The following CTNNA2 variants were observed in gnomAD, a reference collection of about 807,000 sequenced individuals.
CTNNA2 encodes the protein catenin alpha-2.
A neutral mutation model predicts 101.0 loss-of-function variants in CTNNA2; 42 were observed. The ratio of observed to expected loss-of-function variants is 0.42; its 90% CI spans 0.32 to 0.54. CTNNA2 has a LOEUF of 0.54. Among genes scored for constraint, CTNNA2 ranks in the 20% least tolerant of loss-of-function variants. The probability of loss-of-function intolerance (pLI) is 0.14; values close to 1 mark genes in which losing one functional copy is unlikely to be tolerated. For synonymous variants in CTNNA2, 450 were observed against 456.4 expected, an observed-to-expected ratio of 0.99 and a Z score of 0.18; for missense variants, 871 against 1,223.1, an observed-to-expected ratio of 0.71 and a Z score of 4.29.
intron 9 of CTNNA2, among the ~76,000 whole-genome samples, chr2:80,517,941 G>A (rs1244102417): frequency 6.6e-6 from 1 of 152,148 alleles, no homozygotes; most frequent in East Asian, 1.9e-4. Flanking sequence ...ATATTTGCCA[G>A]AATTCACATC....
intron 7 of CTNNA2, among the ~76,000 whole-genome samples, chr2:80,317,368 AGATCCTTCCACTTTCAGAATATACAAAG>A (rs1678230843): frequency 6.6e-6 from 1 of 152,204 alleles, no homozygotes; most frequent in Non-Finnish European, 1.5e-5. Context: ...AAATTCTGTG[AGATCCTTCCACTTTCAGAATATACAAAG>A]GAAATCAAGG....
At chr2:79,610,234 CAATTAA>C (rs1400225844) in intron 1 of CTNNA2, among the ~76,000 whole-genome samples, 1 of 152,210 alleles carries the variant, frequency 6.6e-6, no homozygotes, top group South Asian at 2.1e-4. Flanking sequence ...ACTATTCACA[CAATTAA>C]AATTAAACCG....
At position 80,475,959 on chromosome 2, in the gene CTNNA2, A is replaced by G. The variant is rs1046291615; in HGVS notation, c.1290+56358A>G. ...ATCTGGGGTCATGTTCCTATCGACTAGAGCAATAATGTTAGGGCACAGATG... is the reference window on the plus strand; with the variant it reads ...ATCTGGGGTCATGTTCCTATCGACTGGAGCAATAATGTTAGGGCACAGATG... On this transcript the variant is annotated intron_variant, in intron 9 of 18. Transcript: ENST00000402739. 1.7e-4 allele frequency among the ~76,000 whole-genome samples: 26 copies of G among 152,176 alleles called. 1 individual carries two copies. Among genetic ancestry groups the G allele is most frequent in the Admixed American group, 1.7e-3 (26 of 15,278 alleles).
chr2:79,274,575 A>G (rs1675165616), intron 2 of CTNNA2, among the ~76,000 whole-genome samples: 1 of 152,214 alleles, frequency 6.6e-6, no homozygotes, highest in Middle Eastern at 3.4e-3. Context: ...ATATCATTCA[A>G]GTATTTTTTG....
At chr2:80,549,567 C>T (rs1332368460) in intron 11 of CTNNA2, among the ~76,000 whole-genome samples, 1 of 152,006 alleles carries the variant, frequency 6.6e-6, no homozygotes, top group Non-Finnish European at 1.5e-5. Flanking sequence ...GTTTAAATAC[C>T]ACACTTGATA....
intron 8 of CTNNA2, among the ~76,000 whole-genome samples, chr2:80,416,061 T>G (rs964660882): frequency 4.7e-4 from 71 of 151,610 alleles, no homozygotes; most frequent in African/African-American, 1.7e-3. Context: ...GAGGTGGGGG[T>G]GGTGAAACGG....
At position 79,652,263 on chromosome 2, in the gene CTNNA2, A is replaced by G. The variant is rs1257764992; in HGVS notation, c.102+605A>G. 2.7e-5 allele frequency among the ~76,000 whole-genome samples: 4 copies of G among 149,498 alleles called. No homozygotes were observed. In the South Asian group the frequency reaches 8.4e-4, roughly 31 times the overall value. Reference sequence around the variant, plus strand: ...ATTTTTTTTTTTTTTTTACCAAATTATAATAGAGGCATTTGTATTGTCCTG... The same window carrying G: ...ATTTTTTTTTTTTTTTTACCAAATTGTAATAGAGGCATTTGTATTGTCCTG... On this transcript the variant is annotated intron_variant, in intron 2 of 18. Coordinates refer to ENST00000402739, the MANE Select transcript of CTNNA2 (RefSeq NM_001282597.3).
At chr2:79,767,450 T>A (rs1196618246) in intron 3 of CTNNA2, among the ~76,000 whole-genome samples, 1 of 152,072 alleles carries the variant, frequency 6.6e-6, no homozygotes, top group Non-Finnish European at 1.5e-5. Context: ...AGTTATTTAT[T>A]TTAATGATCA....
chr2:79,893,549 A>G (rs954618525), intron 6 of CTNNA2, among the ~76,000 whole-genome samples: 2 of 152,200 alleles, frequency 1.3e-5, no homozygotes, highest in Non-Finnish European at 1.5e-5. Context: ...GACATTTACA[A>G]TCCAACCTAA....
At chr2:79,243,043 A>T (rs991496506) in intron 2 of CTNNA2, among the ~76,000 whole-genome samples, 1 of 141,730 alleles carries the variant, frequency 7.1e-6, no homozygotes, top group East Asian at 2.1e-4. Flanking sequence ...AATATTCATG[A>T]TAAAACAGAC....
At chr2:80,477,863 G>A (rs1264803334) in intron 9 of CTNNA2, among the ~76,000 whole-genome samples, 1 of 151,870 alleles carries the variant, frequency 6.6e-6, no homozygotes, top group Non-Finnish European at 1.5e-5. Flanking sequence ...ACACATGCAG[G>A]TATTTTTTGA....
chr2:79,699,642 C>T (rs1012612508), intron 2 of CTNNA2, among the ~76,000 whole-genome samples: 2 of 151,342 alleles, frequency 1.3e-5, no homozygotes, highest in Admixed American at 1.3e-4. Context: ...CAAAAAGACC[C>T]TCCATGTTAG....
chr2:79,573,463 A>C (rs938752683), intron 1 of CTNNA2, among the ~76,000 whole-genome samples: 2 of 152,240 alleles, frequency 1.3e-5, no homozygotes, highest in Non-Finnish European at 2.9e-5. Context: ...TCTGTAAGTT[A>C]CAATTTGACT....
At chr2:80,080,984 C>A (rs764795901) in intron 7 of CTNNA2, among the ~76,000 whole-genome samples, 1 of 147,342 alleles carries the variant, frequency 6.8e-6, no homozygotes, top group African/African-American at 2.5e-5. Flanking sequence ...AAATGCTTGC[C>A]GTGTTGCAGA....
rs76079468 is a variant in CTNNA2 at position 80,622,838 on chromosome 2, C to A, written c.2574+3610C>A. 5.7e-4 allele frequency among the ~76,000 whole-genome samples: 86 copies of A among 150,716 alleles called. 1 individual carries two copies. In the East Asian group the frequency reaches 0.016, roughly 28 times the overall value. Reference sequence around the variant, plus strand: ...ACTGCTTTGTTACCTAGCCCCTTTACCAGATTATAAGAACTTAGTAAGTAA... The same window carrying A: ...ACTGCTTTGTTACCTAGCCCCTTTAACAGATTATAAGAACTTAGTAAGTAA... On this transcript the variant is annotated intron_variant, in intron 18 of 18. Coordinates refer to ENST00000402739, the MANE Select transcript of CTNNA2 (RefSeq NM_001282597.3).
chr2:80,044,997 C>T (rs1025906316), intron 7 of CTNNA2, among the ~76,000 whole-genome samples: 2 of 152,168 alleles, frequency 1.3e-5, no homozygotes, highest in African/African-American at 2.4e-5. Flanking sequence ...AGATGGCTTA[C>T]TCGGTTGCAT....
chr2:79,743,041 C>T (rs1417064593), intron 2 of CTNNA2, among the ~76,000 whole-genome samples: 2 of 152,050 alleles, frequency 1.3e-5, no homozygotes, highest in Non-Finnish European at 2.9e-5. Flanking sequence ...TGGAGTAAAC[C>T]TCAGAAGCTA....
intron 7 of CTNNA2, among the ~76,000 whole-genome samples, chr2:80,125,689 A>G (rs1702071117): frequency 6.6e-6 from 1 of 152,150 alleles, no homozygotes; most frequent in South Asian, 2.1e-4. Flanking sequence ...TTGGCATGTG[A>G]GATGAAACCC....
chr2:79,772,259 T>C (rs1673642579), intron 3 of CTNNA2, among the ~76,000 whole-genome samples: 9 of 152,126 alleles, frequency 5.9e-5, no homozygotes, highest in Admixed American at 5.9e-4. Context: ...TTAAAAAAAT[T>C]GTCTTCAACA....
Sources: gnomAD v4.1 joint callset for allele counts (sites outside exome capture counted in the v4.1 genomes callset) on GRCh38, gnomAD v4.1.1 for gene constraint, MANE v1.5 for transcripts, NCBI Gene and HGNC (gene_info 2026-07-23, HGNC 2026-07-21) for gene names.